The following ASTN1 variants were observed in gnomAD, a reference collection of about 807,000 sequenced individuals.
ASTN1 encodes the protein astrotactin-1.
In ASTN1, 41 loss-of-function variants were observed where a neutral mutation model predicts 140.7. The ratio of observed to expected loss-of-function variants is 0.29; its 90% CI spans 0.23 to 0.38. The LOEUF (loss-of-function observed/expected upper bound fraction) is 0.38. ASTN1 is among the 10% of genes least tolerant of loss of function. The pLI, the probability that ASTN1 is intolerant of heterozygous loss-of-function variation, is 1.00. For synonymous variants in ASTN1, 640 were observed against 652.2 expected, an observed-to-expected ratio of 0.98 and a Z score of 0.29; for missense variants, 1,479 against 1,678.8, an observed-to-expected ratio of 0.88 and a Z score of 2.08.
At chr1:177,067,589 T>A (rs888069574) in intron 1 of ASTN1, among the ~76,000 whole-genome samples, 1 of 152,180 alleles carries the variant, frequency 6.6e-6, no homozygotes, top group Non-Finnish European at 1.5e-5. Flanking sequence ...ACAGCGGTAT[T>A]AACTTTCAAC....
intron 16 of ASTN1, among the ~76,000 whole-genome samples, chr1:176,927,026 G>A (rs973486466): frequency 1.3e-5 from 2 of 152,342 alleles, no homozygotes; most frequent in Admixed American, 6.5e-5. Flanking sequence ...ACATAAAAAC[G>A]TGGAAGACAT....
At chr1:177,011,303 C>A (rs1675278036) in intron 8 of ASTN1, among the ~76,000 whole-genome samples, 1 of 152,130 alleles carries the variant, frequency 6.6e-6, no homozygotes, top group African/African-American at 2.4e-5. Context: ...AATTTCAATC[C>A]CACAGACTTT....
At chr1:177,136,779 A>G (rs1682224770) in intron 1 of ASTN1, among the ~76,000 whole-genome samples, 1 of 152,226 alleles carries the variant, frequency 6.6e-6, no homozygotes, top group Non-Finnish European at 1.5e-5. Context: ...TAGTCAAACA[A>G]TAATAAGCAA....
chr1:177,045,612 C>T (rs536402742), intron 2 of ASTN1, among the ~76,000 whole-genome samples: 15 of 152,336 alleles, frequency 9.8e-5, no homozygotes, highest in African/African-American at 3.6e-4. Flanking sequence ...ATACATCACC[C>T]AGAGGATACG....
intron 1 of ASTN1, among the ~76,000 whole-genome samples, chr1:177,108,738 A>C (rs1299025750): frequency 6.6e-6 from 1 of 152,228 alleles, no homozygotes; most frequent in African/African-American, 2.4e-5. Context: ...GAAATGAAGA[A>C]TCCAGCTTGG....
intron 14 of ASTN1, among the ~76,000 whole-genome samples, chr1:176,939,276 T>TC (rs377664244): frequency 2.0e-5 from 3 of 152,168 alleles, no homozygotes; most frequent in African/African-American, 7.2e-5. Context: ...TATAACTTCC[T>TC]CGGCTTTTAA....
chr1:177,120,421 G>T (rs777627002), intron 1 of ASTN1, among the ~76,000 whole-genome samples: 1 of 152,106 alleles, frequency 6.6e-6, no homozygotes, highest in African/African-American at 2.4e-5. Flanking sequence ...ATCCCAAAGG[G>T]GTTTTCTTCA....
chr1:177,132,260 T>A (rs1383547404), intron 1 of ASTN1, among the ~76,000 whole-genome samples: 1 of 152,132 alleles, frequency 6.6e-6, no homozygotes. Context: ...TTCTCCTGAG[T>A]AGGACACAAG....
In ASTN1 at chr1:176,863,672, A is replaced by C. The variant is rs1668037769; in HGVS notation, c.*612T>G. The C allele has an allele frequency of 2.0e-6, 2 of 985,674 alleles. No individual in the cohort carries two copies. The highest frequency in any genetic ancestry group is 6.1e-5 in the Admixed American group (1 of 16,318). 61.1% of individuals were successfully genotyped at this position (985,674 alleles called of 1,614,324 possible). A position where few individuals can be genotyped will look rare whatever the true frequency, so the allele number is the denominator to read the frequency against. On this transcript the variant is annotated 3_prime_UTR_variant, in exon 23 of 23. Coordinates refer to ENST00000361833, the MANE Select transcript of ASTN1 (RefSeq NM_004319.3). ...AAACCCAAGTGGCCCACTGGGGCCT[A>C]TAATGAAAGCTGGTTTCACCTTTCG...
intron 16 of ASTN1, among the ~76,000 whole-genome samples, chr1:176,913,636 C>T (rs1409988683): frequency 3.3e-5 from 5 of 152,170 alleles, no homozygotes; most frequent in African/African-American, 1.2e-4. Context: ...ATTGCTGGGG[C>T]AGGGTAGGGA....
chr1:176,904,442 T>G (rs917803967), intron 16 of ASTN1, among the ~76,000 whole-genome samples: 4 of 151,686 alleles, frequency 2.6e-5, no homozygotes, highest in Non-Finnish European at 5.9e-5. Context: ...CCCTGCTGTG[T>G]CGCCACAGAC....
intron 17 of ASTN1, among the ~76,000 whole-genome samples, chr1:176,892,757 C>A (rs1328022912): frequency 1.3e-5 from 2 of 152,166 alleles, no homozygotes; most frequent in Non-Finnish European, 2.9e-5. Context: ...GAATTATATT[C>A]TAATGTTATG....
chr1:177,025,688 T>A (rs1030067327), intron 5 of ASTN1, among the ~76,000 whole-genome samples: 1 of 152,214 alleles, frequency 6.6e-6, no homozygotes, highest in Non-Finnish European at 1.5e-5. Flanking sequence ...TTTACGTACC[T>A]TATTTTATTT....
chr1:177,035,339 G>A (rs1222453871), intron 2 of ASTN1, among the ~76,000 whole-genome samples: 1 of 152,168 alleles, frequency 6.6e-6, no homozygotes, highest in Non-Finnish European at 1.5e-5. Context: ...AACATAAGAG[G>A]ACAGAATAGG....
chr1:176,936,417 G>A (rs1279218368), intron 14 of ASTN1, 47 bp from the exon 15 acceptor site: 3 of 1,499,056 alleles, frequency 2.0e-6, no homozygotes, highest in Admixed American at 1.7e-5. Flanking sequence ...TGATTCATAA[G>A]TTCCAAATCA....
chr1:176,967,071 G>A (rs183037320), intron 8 of ASTN1, among the ~76,000 whole-genome samples: 21 of 152,158 alleles, frequency 1.4e-4, no homozygotes, highest in African/African-American at 3.4e-4. Context: ...AAAGCCATTG[G>A]AACTATATAA....
intron 1 of ASTN1, among the ~76,000 whole-genome samples, chr1:177,142,748 G>A (rs1389895041): frequency 6.6e-6 from 1 of 152,080 alleles, no homozygotes; most frequent in African/African-American, 2.4e-5. Context: ...TGCTCTATCT[G>A]GAAGTCATTA....
intron 8 of ASTN1, among the ~76,000 whole-genome samples, chr1:176,967,559 T>C (rs1473378836): frequency 6.6e-6 from 1 of 152,202 alleles, no homozygotes; most frequent in Non-Finnish European, 1.5e-5. Flanking sequence ...TCAAAACTGA[T>C]ACAATGTGTA....
chr1:177,163,931 GACAGGAT>G (rs1188847564), intron 1 of ASTN1, among the ~76,000 whole-genome samples: 1 of 152,180 alleles, frequency 6.6e-6, no homozygotes, highest in Non-Finnish European at 1.5e-5. Context: ...GCAAGGTGAT[GACAGGAT>G]ACCTGTTTCT....
Sources: allele counts gnomAD v4.1 joint callset (sites outside exome capture counted in the v4.1 genomes callset), GRCh38; gene constraint gnomAD v4.1.1; transcripts MANE v1.5; gene names NCBI Gene and HGNC (gene_info 2026-07-23, HGNC 2026-07-21).